The following XRCC4 variants were observed in gnomAD, a reference collection of about 807,000 sequenced individuals.
XRCC4 encodes DNA repair protein XRCC4.
A neutral mutation model predicts 39.1 loss-of-function variants in XRCC4; 28 were observed. The observed-to-expected ratio is 0.72, with a 90% CI of 0.53 to 0.98. The LOEUF is 0.98. XRCC4 is among the 50% of genes least tolerant of loss of function. XRCC4 has a pLI of 0.00. For missense variants in XRCC4, 350 were observed against 376.4 expected, an observed-to-expected ratio of 0.93 and a Z score of 0.58; for synonymous variants, 123 against 126.4, an observed-to-expected ratio of 0.97 and a Z score of 0.18.
chr5:83,132,131 C>T (rs1747623471), intron 3 of XRCC4, among the ~76,000 whole-genome samples: 1 of 152,052 alleles, frequency 6.6e-6, no homozygotes, highest in Admixed American at 6.6e-5. Flanking sequence ...ATTTCTCTTT[C>T]ACTTATGAAG....
intron 6 of XRCC4, among the ~76,000 whole-genome samples, chr5:83,239,596 G>A (rs1405888939): frequency 2.6e-5 from 4 of 152,142 alleles, no homozygotes; most frequent in African/African-American, 4.8e-5. Context: ...TTGGGAGGCC[G>A]AGGCGGGTGG....
intron 4 of XRCC4, among the ~76,000 whole-genome samples, chr5:83,203,005 T>C (rs1375962922): frequency 1.3e-5 from 2 of 152,104 alleles, no homozygotes; most frequent in African/African-American, 4.8e-5. Flanking sequence ...AATACTTTCA[T>C]TGGGTATGTG....
chr5:83,203,443 A>C (rs1056741899), intron 4 of XRCC4, 109 bp from the exon 5 acceptor site: 6 of 974,660 alleles, frequency 6.2e-6, no homozygotes, highest in African/African-American at 5.2e-5. Flanking sequence ...CATATGTGAA[A>C]ATAATCTTTA....
intron 3 of XRCC4, among the ~76,000 whole-genome samples, chr5:83,130,590 A>G (rs1040181601): frequency 6.6e-6 from 1 of 152,066 alleles, no homozygotes; most frequent in East Asian, 1.9e-4. Context: ...CTGTGAATCC[A>G]TCTGGTCCTG....
At chr5:83,212,090 ACACATATGTATGTT>A (rs1751669111) in intron 6 of XRCC4, among the ~76,000 whole-genome samples, 1 of 151,980 alleles carries the variant, frequency 6.6e-6, no homozygotes, top group Non-Finnish European at 1.5e-5. Flanking sequence ...ACACACATAC[ACACATATGTATGTT>A]TATGTGTATA....
intron 6 of XRCC4, among the ~76,000 whole-genome samples, chr5:83,213,040 A>T (rs1158547881): frequency 6.6e-6 from 1 of 151,956 alleles, no homozygotes; most frequent in Non-Finnish European, 1.5e-5. Flanking sequence ...GACAGCATCA[A>T]TATAACAACA....
intron 1 of XRCC4, among the ~76,000 whole-genome samples, chr5:83,089,329 G>C (rs1001959032): frequency 6.6e-6 from 1 of 152,164 alleles, no homozygotes; most frequent in Admixed American, 6.5e-5. Context: ...TCAGCTCCAG[G>C]CCCTTTCCAT....
At chr5:83,141,640 T>C (rs1748180629) in intron 3 of XRCC4, among the ~76,000 whole-genome samples, 1 of 42,296 alleles carries the variant, frequency 2.4e-5, no homozygotes, top group Non-Finnish European at 4.9e-5. Context: ...CTTTTTCCTC[T>C]TTTTTTTCTA....
chr5:83,334,271 T>A (rs189281052), intron 7 of XRCC4, among the ~76,000 whole-genome samples: 1 of 152,314 alleles, frequency 6.6e-6, no homozygotes, highest in Non-Finnish European at 1.5e-5. Flanking sequence ...TTGTAAGAAC[T>A]ACTTCTTACT....
intron 7 of XRCC4, among the ~76,000 whole-genome samples, chr5:83,259,634 T>C (rs1263012870): frequency 1.3e-5 from 2 of 152,124 alleles, no homozygotes; most frequent in African/African-American, 4.8e-5. Flanking sequence ...TATAAAACAA[T>C]GCCCTCATAA....
chr5:83,233,917 A>G (rs1053310998), intron 6 of XRCC4, among the ~76,000 whole-genome samples: 10 of 150,884 alleles, frequency 6.6e-5, no homozygotes, highest in Non-Finnish European at 1.5e-4. Context: ...AAAAAAAAAA[A>G]AAAGAATTCT....
intron 2 of XRCC4, among the ~76,000 whole-genome samples, chr5:83,107,847 T>G (rs1004964846): frequency 1.3e-5 from 2 of 151,898 alleles, no homozygotes; most frequent in Non-Finnish European, 2.9e-5. Flanking sequence ...AAAGAGGATT[T>G]TAATAAATCA....
chr5:83,258,765 C>T (rs1037293511), intron 7 of XRCC4, 88 bp downstream of exon 7: 24 of 1,427,852 alleles, frequency 1.7e-5, no homozygotes, highest in African/African-American at 4.4e-5. Flanking sequence ...TCATTTTGAA[C>T]GTTTTTAAAG....
In XRCC4 at chr5:83,188,594, C is replaced by CT. The variant is rs1750556961; in HGVS notation, c.316-7175dup. Among the ~76,000 whole-genome samples the CT allele has an allele frequency of 2.0e-5, 3 of 152,174 alleles. No individual in the cohort carries two copies. The South Asian group carries it at 6.2e-4, about 32-fold the overall frequency. ...AGCATGGTGCCAGTGTCTGTTCCTG[C>CT]TGAGGGCCTCAGGAAGCTTCCAATC... is the stretch of plus-strand genomic sequence containing the variant. On this transcript the variant is annotated intron_variant, in intron 3 of 7. Transcript: ENST00000396027.
intron 6 of XRCC4, among the ~76,000 whole-genome samples, chr5:83,218,132 A>G (rs1222139038): frequency 6.6e-6 from 1 of 151,290 alleles, no homozygotes; most frequent in African/African-American, 2.4e-5. Context: ...GGTTTGTTAC[A>G]TATGTATACA....
chr5:83,320,378 AT>A (rs141002617), intron 7 of XRCC4, among the ~76,000 whole-genome samples: 5,558 of 149,548 alleles, frequency 0.037, 234 homozygotes, highest in East Asian at 0.22. Flanking sequence ...AAATAAAAAA[AT>A]AATAAAAAAA....
chr5:83,119,173 G>T (rs916999428), intron 3 of XRCC4, among the ~76,000 whole-genome samples: 1 of 152,128 alleles, frequency 6.6e-6, no homozygotes, highest in African/African-American at 2.4e-5. Context: ...TGGTTTCAGG[G>T]ACTCTGAATT....
intron 7 of XRCC4, among the ~76,000 whole-genome samples, chr5:83,323,319 G>T (rs555992381): frequency 5.0e-4 from 76 of 152,114 alleles, no homozygotes; most frequent in African/African-American, 1.6e-3. Context: ...GTATATGGCT[G>T]TAAAGTATCC....
chr5:83,198,630 G>A (rs1465843268), intron 4 of XRCC4, among the ~76,000 whole-genome samples: 2 of 152,056 alleles, frequency 1.3e-5, no homozygotes, highest in Non-Finnish European at 2.9e-5. Context: ...ATTTAAATAT[G>A]TATCACCATT....
Sources: allele counts gnomAD v4.1 joint callset (sites outside exome capture counted in the v4.1 genomes callset), GRCh38; gene constraint gnomAD v4.1.1; transcripts MANE v1.5; gene names NCBI Gene and HGNC (gene_info 2026-07-23, HGNC 2026-07-21).